Variants in KIAA1217 observed in about 807,000 individuals in gnomAD.
KIAA1217 encodes the protein KIAA1217.
In KIAA1217, 88 loss-of-function variants were observed where a neutral mutation model predicts 163.9. The ratio of observed to expected loss-of-function variants is 0.54; its 90% confidence interval spans 0.45 to 0.64. KIAA1217 has a LOEUF of 0.64. KIAA1217 is among the 30% of genes least tolerant of loss of function. The pLI is 0.00. For synonymous variants in KIAA1217, 903 were observed against 923.1 expected, an observed-to-expected ratio of 0.98 and a Z score of 0.39; for missense variants, 2,372 against 2,475.0, an observed-to-expected ratio of 0.96 and a Z score of 0.88.
intron 1 of KIAA1217, among the ~76,000 whole-genome samples, chr10:23,988,018 A>G (rs1846055325): frequency 6.6e-6 from 1 of 151,932 alleles, no homozygotes; most frequent in Non-Finnish European, 1.5e-5. Context: ...TAAACTGTGA[A>G]TATTTAAAAG....
intron 2 of KIAA1217, among the ~76,000 whole-genome samples, chr10:24,115,996 C>G (rs2063036565): frequency 6.6e-6 from 1 of 152,104 alleles, no homozygotes; most frequent in Non-Finnish European, 1.5e-5. Flanking sequence ...TTTTGCCCTC[C>G]CCTTGTGGCT....
chr10:24,010,739 A>T (rs562116256), intron 2 of KIAA1217, among the ~76,000 whole-genome samples: 1 of 151,976 alleles, frequency 6.6e-6, no homozygotes, highest in Non-Finnish European at 1.5e-5. Flanking sequence ...GTTAGAATAA[A>T]TACACTTGCA....
chr10:23,751,639 A>C (rs1383849026), intron 1 of KIAA1217, among the ~76,000 whole-genome samples: 1 of 152,180 alleles, frequency 6.6e-6, no homozygotes, highest in African/African-American at 2.4e-5. Flanking sequence ...TGATTGACCA[A>C]ACTAATTTGT....
At chr10:24,355,061 G>A (rs1171310334) in intron 2 of KIAA1217, among the ~76,000 whole-genome samples, 1 of 152,212 alleles carries the variant, frequency 6.6e-6, no homozygotes, top group Admixed American at 6.5e-5. Flanking sequence ...TGTCTCCAGA[G>A]GTTAGTAGGT....
chr10:24,349,132 C>CAAA (rs11318554), intron 2 of KIAA1217, among the ~76,000 whole-genome samples: 4 of 105,534 alleles, frequency 3.8e-5, no homozygotes, highest in Middle Eastern at 5.0e-3. Context: ...GACCCTGTCT[C>CAAA]AAAAAAAAAA....
chr10:23,745,882 A>G (rs11013694), intron 1 of KIAA1217, among the ~76,000 whole-genome samples: 33,410 of 152,140 alleles, frequency 0.22, 3,936 homozygotes, highest in African/African-American at 0.29. Context: ...TTGTCTGCAA[A>G]CAAATAAAGA....
At chr10:24,386,582 T>G (rs2054036718) in intron 3 of KIAA1217, among the ~76,000 whole-genome samples, 1 of 152,076 alleles carries the variant, frequency 6.6e-6, no homozygotes, top group Non-Finnish European at 1.5e-5. Context: ...TTTATTTATT[T>G]ATTTATTTAG....
At chr10:24,193,107 C>T (rs949464641) in intron 2 of KIAA1217, among the ~76,000 whole-genome samples, 3 of 151,972 alleles carry the variant, frequency 2.0e-5, no homozygotes, top group African/African-American at 4.8e-5. Flanking sequence ...TTTTGAGAGA[C>T]GGGGTCTTGC....
intron 1 of KIAA1217, among the ~76,000 whole-genome samples, chr10:23,930,392 T>TA (rs1843209624): frequency 6.6e-6 from 1 of 152,212 alleles, no homozygotes; most frequent in African/African-American, 2.4e-5. Flanking sequence ...ATATGCAAGC[T>TA]AAAAAATTGT....
intron 1 of KIAA1217, among the ~76,000 whole-genome samples, chr10:23,958,504 A>G (rs1185795673): frequency 1.3e-5 from 2 of 152,238 alleles, no homozygotes; most frequent in South Asian, 2.1e-4. Context: ...AAAGCAAGGA[A>G]CAATTTAAGA....
intron 3 of KIAA1217, among the ~76,000 whole-genome samples, chr10:24,406,662 A>G (rs1481832817): frequency 2.6e-4 from 39 of 152,214 alleles, no homozygotes; most frequent in Admixed American, 2.5e-3. Context: ...AAAGGATTTT[A>G]TGCCTCATCT....
chr10:24,175,073 C>T (rs547578046), intron 2 of KIAA1217, among the ~76,000 whole-genome samples: 18 of 151,882 alleles, frequency 1.2e-4, no homozygotes, highest in African/African-American at 1.9e-4. Flanking sequence ...TGTTGGCCAG[C>T]GTGGTCTCAA....
intron 2 of KIAA1217, among the ~76,000 whole-genome samples, chr10:24,054,912 A>G (rs1849777762): frequency 6.6e-6 from 1 of 152,184 alleles, no homozygotes; most frequent in South Asian, 2.1e-4. Context: ...CTCCTGTTGT[A>G]TATGTGATTT....
intron 1 of KIAA1217, among the ~76,000 whole-genome samples, chr10:23,796,041 T>C (rs150639791): frequency 1.8e-3 from 280 of 152,260 alleles, no homozygotes; most frequent in African/African-American, 6.2e-3. Context: ...TCCAGGGCCC[T>C]GGCAGGCTCC....
At chr10:24,537,585 A>T (rs1001978353) in intron 17 of KIAA1217, among the ~76,000 whole-genome samples, 1 of 151,930 alleles carries the variant, frequency 6.6e-6, no homozygotes, top group Non-Finnish European at 1.5e-5. Context: ...CTCAAAAAAA[A>T]AAAAAAAGTA....
intron 2 of KIAA1217, among the ~76,000 whole-genome samples, chr10:24,094,503 C>T (rs1328128981): frequency 1.3e-5 from 2 of 152,216 alleles, no homozygotes; most frequent in Admixed American, 1.3e-4. Flanking sequence ...CCACTCCAGA[C>T]CCTGTTTGCC....
chr10:23,990,997 T>C (rs1172645885), intron 1 of KIAA1217, among the ~76,000 whole-genome samples: 1 of 152,212 alleles, frequency 6.6e-6, no homozygotes, highest in Non-Finnish European at 1.5e-5. Context: ...ACTTGGAACC[T>C]ACCCTTTGAA....
chr10:24,387,134 A>G (rs767446055), intron 3 of KIAA1217, among the ~76,000 whole-genome samples: 3 of 152,188 alleles, frequency 2.0e-5, no homozygotes, highest in Non-Finnish European at 4.4e-5. Flanking sequence ...TCCCTGATGA[A>G]CATTGATGCA....
At chr10:24,141,576 C>T (rs954818592) in intron 2 of KIAA1217, among the ~76,000 whole-genome samples, 3 of 152,164 alleles carry the variant, frequency 2.0e-5, no homozygotes, top group Admixed American at 6.6e-5. Context: ...ATTGTGTGTG[C>T]TTTGTTCTGA....
Sources: gnomAD v4.1 joint callset for allele counts (sites outside exome capture counted in the v4.1 genomes callset) on GRCh38, gnomAD v4.1.1 for gene constraint, MANE v1.5 for transcripts, NCBI Gene and HGNC (gene_info 2026-07-23, HGNC 2026-07-21) for gene names.